PRKG1: variants seen among roughly 807,000 people sequenced by gnomAD.
The protein encoded by PRKG1 is cGMP-dependent protein kinase 1.
A neutral mutation model predicts 88.1 loss-of-function variants in PRKG1; 35 were observed. That is an observed-to-expected ratio of 0.40 (90% CI 0.30 to 0.53). PRKG1 has a LOEUF of 0.53. Ranked by LOEUF, PRKG1 falls within the 20% of genes least tolerant of loss-of-function variation. The probability of loss-of-function intolerance (pLI) is 0.59; values close to 1 mark genes in which losing one functional copy is unlikely to be tolerated. For missense variants in PRKG1, 540 were observed against 839.8 expected, an observed-to-expected ratio of 0.64 and a Z score of 4.41; for synonymous variants, 303 against 292.5, an observed-to-expected ratio of 1.04 and a Z score of -0.37.
chr10:52,146,713 G>C (rs1055987193), intron 8 of PRKG1, among the ~76,000 whole-genome samples: 3 of 152,074 alleles, frequency 2.0e-5, no homozygotes, highest in African/African-American at 7.2e-5. Flanking sequence ...GACTGTGCTT[G>C]GGCATTTAAG....
intron 2 of PRKG1, among the ~76,000 whole-genome samples, chr10:51,252,491 C>G (rs1393824203): frequency 6.6e-6 from 1 of 151,604 alleles, no homozygotes; most frequent in African/African-American, 2.4e-5. Flanking sequence ...TTCATTTGAG[C>G]AGAGACTTCT....
intron 10 of PRKG1, among the ~76,000 whole-genome samples, chr10:52,263,857 C>T (rs780390248): frequency 1.3e-5 from 2 of 152,098 alleles, no homozygotes; most frequent in Non-Finnish European, 2.9e-5. Context: ...AGGTGTAAAC[C>T]ACCATACCTG....
intron 4 of PRKG1, among the ~76,000 whole-genome samples, chr10:51,860,353 T>C (rs550861478): frequency 6.6e-6 from 1 of 152,330 alleles, no homozygotes; most frequent in Admixed American, 6.5e-5. Context: ...CAGCTATTTA[T>C]CTGGAATATC....
intron 5 of PRKG1, among the ~76,000 whole-genome samples, chr10:52,036,385 G>A (rs539376387): frequency 0.031 from 4,468 of 142,932 alleles, 93 homozygotes; most frequent in South Asian, 0.087. Flanking sequence ...TGTAAGGCTC[G>A]TCCGGTTTTA....
intron 3 of PRKG1, among the ~76,000 whole-genome samples, chr10:51,594,386 G>A (rs1589115210): frequency 6.6e-6 from 1 of 152,106 alleles, no homozygotes; most frequent in South Asian, 2.1e-4. Flanking sequence ...TGTTCTGCAG[G>A]TAGCCATAAA....
At chr10:51,441,623 C>T (rs915335799) in intron 2 of PRKG1, among the ~76,000 whole-genome samples, 20 of 152,044 alleles carry the variant, frequency 1.3e-4, no homozygotes, top group Non-Finnish European at 7.4e-5. Context: ...AAGTTGAGAA[C>T]GGAGACCTGA....
intron 8 of PRKG1, among the ~76,000 whole-genome samples, chr10:52,140,681 T>C (rs1013943697): frequency 2.6e-5 from 4 of 152,124 alleles, no homozygotes; most frequent in African/African-American, 9.7e-5. Context: ...TCCAGAAGAA[T>C]CTTTCAGAAT....
chr10:51,365,335 T>A (rs979540553), intron 2 of PRKG1, among the ~76,000 whole-genome samples: 1 of 151,888 alleles, frequency 6.6e-6, no homozygotes, highest in African/African-American at 2.4e-5. Flanking sequence ...CTGTAGGAGC[T>A]GGGTTGACTA....
At chr10:51,616,914 C>T (rs1839071978) in intron 3 of PRKG1, among the ~76,000 whole-genome samples, 1 of 152,118 alleles carries the variant, frequency 6.6e-6, no homozygotes, top group Admixed American at 6.5e-5. Flanking sequence ...GGCAGTAGCC[C>T]ATACTTTGCT....
At chr10:52,168,151 T>G (rs1479660412) in intron 9 of PRKG1, among the ~76,000 whole-genome samples, 1 of 152,206 alleles carries the variant, frequency 6.6e-6, no homozygotes, top group African/African-American at 2.4e-5. Flanking sequence ...GATAAGTTTC[T>G]TGCCTTAATG....
At chr10:51,850,316 A>G (rs554718216) in intron 4 of PRKG1, among the ~76,000 whole-genome samples, 24 of 152,104 alleles carry the variant, frequency 1.6e-4, no homozygotes, top group Non-Finnish European at 2.9e-4. Flanking sequence ...AGCTGGGATT[A>G]CGGGCACCCA....
intron 5 of PRKG1, among the ~76,000 whole-genome samples, chr10:51,932,321 C>T (rs11000178): frequency 0.38 from 57,790 of 151,594 alleles, 12,414 homozygotes; most frequent in African/African-American, 0.57. Context: ...CATTGAGAAA[C>T]GGTTCAGTAT....
chr10:51,078,002 T>C (rs1365130077), intron 1 of PRKG1, among the ~76,000 whole-genome samples: 2 of 152,350 alleles, frequency 1.3e-5, no homozygotes, highest in African/African-American at 2.4e-5. Context: ...ATTCCTGAAA[T>C]TGATTCTATA....
chr10:52,052,735 G>A (rs1846020411), intron 5 of PRKG1, among the ~76,000 whole-genome samples: 2 of 152,102 alleles, frequency 1.3e-5, no homozygotes, highest in Admixed American at 6.6e-5. Context: ...CACAAGAACA[G>A]TATGGAAGAA....
intron 3 of PRKG1, among the ~76,000 whole-genome samples, chr10:51,503,497 G>A (rs1289153385): frequency 6.6e-6 from 1 of 152,136 alleles, no homozygotes; most frequent in Non-Finnish European, 1.5e-5. Flanking sequence ...TTGCAATGGA[G>A]CTGTAGGAAC....
At chr10:51,739,610 G>A (rs1282706448) in intron 3 of PRKG1, among the ~76,000 whole-genome samples, 1 of 152,054 alleles carries the variant, frequency 6.6e-6, no homozygotes, top group Admixed American at 6.6e-5. Context: ...CAAAGAGAAG[G>A]AAAAGAGGAA....
intron 5 of PRKG1, among the ~76,000 whole-genome samples, chr10:52,038,313 CT>C (rs1232162988): frequency 6.6e-6 from 1 of 151,496 alleles, no homozygotes; most frequent in African/African-American, 2.4e-5. Flanking sequence ...GGGTTCTTAC[CT>C]TCCAGAAAAG....
chr10:51,113,595 C>T (rs1360362561), intron 1 of PRKG1, among the ~76,000 whole-genome samples: 1 of 151,854 alleles, frequency 6.6e-6, no homozygotes, highest in African/African-American at 2.4e-5. Context: ...GAGGGAGATC[C>T]TGTTTAAAAT....
chr10:51,682,854 T>C (rs1465465764), intron 3 of PRKG1, among the ~76,000 whole-genome samples: 1 of 152,172 alleles, frequency 6.6e-6, no homozygotes, highest in African/African-American at 2.4e-5. Flanking sequence ...ATTCAACCAA[T>C]GTCTTCAGAG....
Sources: allele counts gnomAD v4.1 joint callset (sites outside exome capture counted in the v4.1 genomes callset), GRCh38; gene constraint gnomAD v4.1.1; transcripts MANE v1.5; gene names NCBI Gene and HGNC (gene_info 2026-07-23, HGNC 2026-07-21).